UGT8: variants seen among roughly 807,000 people sequenced by gnomAD.
UGT8 encodes UDP glycosyltransferase 8.
Under a neutral mutation model 40.5 loss-of-function variants are expected in UGT8, and 12 were observed. That is an observed-to-expected ratio of 0.30 (90% CI 0.19 to 0.48). The LOEUF (loss-of-function observed/expected upper bound fraction) is 0.48, where lower values mean the gene tolerates loss of function less well. Ranked by LOEUF, UGT8 falls within the 20% of genes least tolerant of loss-of-function variation. The pLI, the probability that UGT8 is intolerant of heterozygous loss-of-function variation, is 0.99. For synonymous variants in UGT8, 224 were observed against 240.4 expected (o/e 0.93, Z 0.63); for missense variants, 513 against 648.7 (o/e 0.79, Z 2.27).
In UGT8 at chr4:114,623,551, T is replaced by C. The variant is rs1301872081; in HGVS notation, c.671T>C (p.Leu224Pro). 2 of 1,614,160 alleles carry C rather than the reference T, an allele frequency of 1.2e-6. No individual in the cohort carries two copies. The highest frequency in any genetic ancestry group is 1.7e-6 in the Non-Finnish European group (2 of 1,180,024). The change falls in exon 2 of 6, where the codon CTG becomes CCG. Residue 224 changes from leucine to proline, a missense_variant. This residue lies in a region of UGT8 where 335 missense variants were observed against 444.8 expected (regional missense o/e 0.75). Transcript: ENST00000310836. The part of the protein sequence containing the change: ...KYERIMQKYN[L>P]LPEKSMYDLV... Reference sequence around the variant, plus strand: ...GAAAGGATAATGCAGAAGTACAACCTGCTGCCAGAGAAGTCCATGTATGAT... The same window carrying C: ...GAAAGGATAATGCAGAAGTACAACCCGCTGCCAGAGAAGTCCATGTATGAT...
In UGT8 at chr4:114,640,188, G is replaced by A. The variant is rs373472161; in HGVS notation, c.822+16486G>A. Reference sequence around the variant, plus strand: ...TGGGACTACAGGCGCCCGCCACCACGCCTGGCTAATTTTTTGTATTTTTAG... The same window carrying A: ...TGGGACTACAGGCGCCCGCCACCACACCTGGCTAATTTTTTGTATTTTTAG... On this transcript the variant is annotated intron_variant, in intron 2 of 5. Coordinates refer to ENST00000310836, the MANE Select transcript of UGT8 (RefSeq NM_001128174.3). Among the ~76,000 whole-genome samples, 547 of 152,094 alleles carry A rather than the reference G, an allele frequency of 3.6e-3. 2 individuals carry two copies. Among genetic ancestry groups the A allele is most frequent in the Non-Finnish European group, 6.7e-3 (453 of 67,952 alleles).
rs1735731253 is a variant in UGT8, at chr4:114,677,538, T to G, written c.*1250T>G. On this transcript the variant is annotated 3_prime_UTR_variant, in exon 6 of 6. Transcript: ENST00000310836. ...ACTCAGCCCTCACCCCAGCAGCCTT[T>G]TCCGGTCATTGTAGCTGACATGGAG... 1 of 152,276 alleles carries G rather than the reference T, an allele frequency of 6.6e-6. No homozygotes were observed. Among genetic ancestry groups the G allele is most frequent in the African/African-American group, 2.4e-5 (1 of 41,458 alleles). The allele number at this position is 152,276 out of a possible 1,614,324, so 9.4% of individuals were successfully genotyped here.
At position 114,637,234 on chromosome 4, in the gene UGT8, A is replaced by C. The variant is rs568145158; in HGVS notation, c.822+13532A>C. ...GGCAGCATTTTCATCTGCATCTCAC[A>C]TCTCACGGTCTTTGTGAGTTCTACA... On this transcript the variant is annotated intron_variant, in intron 2 of 5. Coordinates refer to ENST00000310836, the MANE Select transcript of UGT8 (RefSeq NM_001128174.3). 4.6e-5 allele frequency among the ~76,000 whole-genome samples: 7 copies of C among 152,268 alleles called. No homozygotes were observed. The South Asian group carries it at 1.2e-3, about 27-fold the overall frequency.
chr4:114,605,171 A>AC (rs1412720577), intron 1 of UGT8, among the ~76,000 whole-genome samples: 1 of 152,168 alleles, frequency 6.6e-6, no homozygotes, highest in Non-Finnish European at 1.5e-5. Context: ...TAAAAATGGT[A>AC]CCTTTGGTTT....
intron 2 of UGT8, among the ~76,000 whole-genome samples, chr4:114,654,088 G>A (rs1427585274): frequency 6.6e-6 from 1 of 152,112 alleles, no homozygotes; most frequent in Admixed American, 6.6e-5. Flanking sequence ...ATTTGGAAAT[G>A]TAGTAAGTAT....
intron 2 of UGT8, among the ~76,000 whole-genome samples, chr4:114,662,470 C>A (rs1734601211): frequency 6.6e-6 from 1 of 152,136 alleles, no homozygotes; most frequent in Admixed American, 6.5e-5. Flanking sequence ...AATCATAAGT[C>A]AAGGATTATC....
Position 114,668,203 on chromosome 4 carries a change from G to T in UGT8, c.1161G>T (p.Met387Ile). Reference protein sequence around the residue: ...IPLFGDHYDTMTRVQAKGMGI... With the variant: ...IPLFGDHYDTITRVQAKGMGI... ...TCTTTGGAGACCATTATGATACTAT[G>T]ACCAGAGTACAGGCAAAAGGCATGG... is the stretch of plus-strand genomic sequence containing the variant. Residue 387 changes from methionine to isoleucine, a missense_variant, in exon 5 of 6, where the codon ATG becomes ATT. Met to Ile is a conservative substitution (Grantham distance 10). Transcript: ENST00000310836. The T allele has an allele frequency of 1.9e-6, 3 of 1,613,834 alleles. No homozygotes were observed. The South Asian group carries it at 3.3e-5, about 18-fold the overall frequency.
At chr4:114,612,793 G>A (rs532225749) in intron 1 of UGT8, among the ~76,000 whole-genome samples, 4 of 152,180 alleles carry the variant, frequency 2.6e-5, no homozygotes, top group South Asian at 2.1e-4. Flanking sequence ...CCTACCCTAC[G>A]TCTACTGAAC....
chr4:114,607,743 C>T (rs1237696159), intron 1 of UGT8, among the ~76,000 whole-genome samples: 1 of 152,082 alleles, frequency 6.6e-6, no homozygotes, highest in African/African-American at 2.4e-5. Flanking sequence ...CTTTTTTACC[C>T]TTTATATCTA....
chr4:114,674,136 C>T (rs1036782416), intron 5 of UGT8, among the ~76,000 whole-genome samples: 1 of 152,168 alleles, frequency 6.6e-6, no homozygotes, highest in Non-Finnish European at 1.5e-5. Context: ...CAAATCAACT[C>T]ATAAATATCT....
chr4:114,612,871 A>C lies in UGT8; in HGVS notation c.-2-10008A>C, dbSNP rs112714399. Among the ~76,000 whole-genome samples, 1,092 of 152,276 alleles carry C rather than the reference A, an allele frequency of 7.2e-3. 23 individuals are homozygous for C. Among genetic ancestry groups the C allele is most frequent in the African/African-American group, 0.025 (1,049 of 41,564 alleles). On this transcript the variant is annotated intron_variant, in intron 1 of 5. Coordinates refer to ENST00000310836, the MANE Select transcript of UGT8 (RefSeq NM_001128174.3). The stretch of plus-strand genomic sequence containing the variant: ...ACATTAATGATCCTCTATAACTTAA[A>C]ATTTAAAATCAAGGTAAATTCTTTT...
At chr4:114,642,050 A>G (rs1733257158) in intron 2 of UGT8, among the ~76,000 whole-genome samples, 1 of 152,182 alleles carries the variant, frequency 6.6e-6, no homozygotes, top group South Asian at 2.1e-4. Context: ...TTATCCTTGT[A>G]AAGTAGTTGA....
rs74353878 is a variant in UGT8 at position 114,611,949 on chromosome 4, T to C, written c.-2-10930T>C. On this transcript the variant is annotated intron_variant, in intron 1 of 5. Transcript: ENST00000310836. Reference sequence around the variant, plus strand: ...ATGAGGGCAGGCCCCACATGTGTGTTTGAACAAGACCTCCAGGTGATTGTG... The same window carrying C: ...ATGAGGGCAGGCCCCACATGTGTGTCTGAACAAGACCTCCAGGTGATTGTG... Among the ~76,000 whole-genome samples the C allele has an allele frequency of 2.9e-3, 436 of 152,260 alleles. 5 individuals are homozygous for C. Among genetic ancestry groups the C allele is most frequent in the African/African-American group, 9.8e-3 (409 of 41,548 alleles).
chr4:114,632,901 A>G (rs537650924), intron 2 of UGT8, among the ~76,000 whole-genome samples: 3 of 152,240 alleles, frequency 2.0e-5, no homozygotes, highest in African/African-American at 4.8e-5. Context: ...TTATTACACT[A>G]TGCATTTCCA....
intron 2 of UGT8, among the ~76,000 whole-genome samples, chr4:114,656,400 A>G (rs1297925901): frequency 6.6e-6 from 1 of 152,140 alleles, no homozygotes; most frequent in Non-Finnish European, 1.5e-5. Context: ...GAAAGGAGAC[A>G]TTTCTTTAAA....
chr4:114,620,429 G>C (rs1578412461), intron 1 of UGT8, among the ~76,000 whole-genome samples: 1 of 152,190 alleles, frequency 6.6e-6, no homozygotes, highest in African/African-American at 2.4e-5. Flanking sequence ...TTGTGAGAAG[G>C]CAACATTGGA....
intron 2 of UGT8, among the ~76,000 whole-genome samples, chr4:114,627,478 T>C (rs1732305968): frequency 6.6e-6 from 1 of 152,092 alleles, no homozygotes; most frequent in South Asian, 2.1e-4. Flanking sequence ...CAGGATGGTC[T>C]CGATCTCCTG....
At chr4:114,640,266 G>T (rs1019943564) in intron 2 of UGT8, among the ~76,000 whole-genome samples, 1 of 152,030 alleles carries the variant, frequency 6.6e-6, no homozygotes, top group Non-Finnish European at 1.5e-5. Flanking sequence ...TCCTGACCTT[G>T]TGATCCGCCC....
At chr4:114,670,524 T>C (rs945678905) in intron 5 of UGT8, among the ~76,000 whole-genome samples, 3 of 149,628 alleles carry the variant, frequency 2.0e-5, no homozygotes, top group Non-Finnish European at 4.4e-5. Context: ...TGTAAATCTA[T>C]AAGGTAATCT....
Sources: gnomAD v4.1 joint callset for allele counts (sites outside exome capture counted in the v4.1 genomes callset) on GRCh38, gnomAD v4.1.1 for gene constraint, gnomAD v4.1.1 regional missense constraint, MANE v1.5 for transcripts, NCBI Gene and HGNC (gene_info 2026-07-23, HGNC 2026-07-21) for gene names.